The following TMEM132B variants were observed in gnomAD, a reference collection of about 807,000 sequenced individuals.
TMEM132B encodes transmembrane protein 132B.
A neutral mutation model predicts 90.8 loss-of-function variants in TMEM132B; 18 were observed. The ratio of observed to expected loss-of-function variants is 0.20; its 90% CI spans 0.14 to 0.29. The LOEUF is 0.29. Among genes scored for constraint, TMEM132B ranks in the 10% least tolerant of loss-of-function variants. The pLI is 1.00. For synonymous variants in TMEM132B, 504 were observed against 523.3 expected (o/e 0.96, Z 0.50); for missense variants, 1,096 against 1,326.8 (o/e 0.83, Z 2.70).
In TMEM132B at chr12:125,349,813, C is replaced by G. The variant is rs746513357; in HGVS notation, c.429C>G (p.Thr143=). 1.2e-5 allele frequency: 19 copies of G among 1,614,128 alleles called. No homozygotes were observed. Among genetic ancestry groups the G allele is most frequent in the Non-Finnish European group, 1.6e-5 (19 of 1,180,050 alleles). ...SIYSNRPKVQ[T]LFYVTGMGWD... is the part of the protein sequence containing the mutation. ...ACTCCAACAGACCCAAAGTGCAGACCTTGTTTTATGTCACTGGCATGGGCT... is the reference window on the plus strand; with the variant it reads ...ACTCCAACAGACCCAAAGTGCAGACGTTGTTTTATGTCACTGGCATGGGCT... The change falls in exon 2 of 9, where the codon ACC becomes ACG. Residue 143 remains threonine, a synonymous_variant. Transcript: ENST00000682704. This position sits in a 1 kb window ranked among gnomAD's most constrained non-coding sequence, Gnocchi z 4.1.
intron 1 of TMEM132B, among the ~76,000 whole-genome samples, chr12:125,348,633 C>T (rs326382): frequency 0.1 from 15,178 of 152,016 alleles, 954 homozygotes; most frequent in East Asian, 0.22. Flanking sequence ...CCACACCTGG[C>T]GGTGCTTTGT....
intron 2 of TMEM132B, among the ~76,000 whole-genome samples, chr12:125,363,089 C>T (rs1242727130): frequency 1.3e-5 from 2 of 152,130 alleles, no homozygotes; most frequent in African/African-American, 4.8e-5. Flanking sequence ...TCTCTGGGGT[C>T]GAGGCAGCAG....
intron 1 of TMEM132B, chr12:125,326,660 G>C (rs1029884944): frequency 6.2e-7 from 1 of 1,607,880 alleles, no homozygotes; most frequent in African/African-American, 1.3e-5. Context: ...CACCACTGCT[G>C]TCTGCACCGG....
At chr12:125,639,014 CTCT>C (rs1886560531) in intron 5 of TMEM132B, among the ~76,000 whole-genome samples, 1 of 152,208 alleles carries the variant, frequency 6.6e-6, no homozygotes, top group Non-Finnish European at 1.5e-5. Flanking sequence ...CTGCCCTCAG[CTCT>C]TCTTATATTA....
At chr12:125,552,235 A>G (rs575653266) in intron 4 of TMEM132B, among the ~76,000 whole-genome samples, 3 of 152,332 alleles carry the variant, frequency 2.0e-5, no homozygotes, top group Non-Finnish European at 4.4e-5. Flanking sequence ...GAAAACGTTG[A>G]ATAGCTTGTG....
intron 3 of TMEM132B, among the ~76,000 whole-genome samples, chr12:125,517,345 T>TGCA (rs1566060744): frequency 4.3e-5 from 3 of 69,058 alleles, no homozygotes; most frequent in African/African-American, 1.7e-4. Flanking sequence ...TTTTTTTTTT[T>TGCA]TTTTTTTTTT....
chr12:125,505,180 A>AC (rs1351254605), intron 3 of TMEM132B, among the ~76,000 whole-genome samples: 1 of 143,124 alleles, frequency 7.0e-6, no homozygotes, highest in African/African-American at 2.5e-5. Context: ...AAAAAAAAAA[A>AC]AAAAAAAAAA....
rs1873358431 is a variant in TMEM132B at position 125,213,105 on chromosome 12, T to TA, written c.67+26240dup. Among the ~76,000 whole-genome samples the TA allele has an allele frequency of 6.6e-6, 1 of 152,210 alleles. No homozygotes were observed. The highest frequency in any genetic ancestry group is 6.5e-5 in the Admixed American group (1 of 15,284). ...CCTACTGCCTTCAACCCCTGGCAAA[T>TA]ACGCTTCTACTTTCTATTCTATGGA... On this transcript the variant is annotated intron_variant, in intron 1 of 8. Transcript: ENST00000682704. This position sits in a 1 kb window ranked among gnomAD's most constrained non-coding sequence, Gnocchi z 4.2.
intron 1 of TMEM132B, among the ~76,000 whole-genome samples, chr12:125,342,179 C>T (rs902095866): frequency 1.3e-5 from 2 of 152,178 alleles, no homozygotes; most frequent in Non-Finnish European, 2.9e-5. Context: ...ATACACCGCT[C>T]TAGGATCTTC....
At chr12:125,339,055 C>T (rs1877077333) in intron 1 of TMEM132B, among the ~76,000 whole-genome samples, 1 of 147,076 alleles carries the variant, frequency 6.8e-6, no homozygotes, top group African/African-American at 2.5e-5. Flanking sequence ...TCCTCACCTC[C>T]AGCTAACAGT....
chr12:125,392,773 A>G (rs1593119997), intron 2 of TMEM132B, among the ~76,000 whole-genome samples: 1 of 152,362 alleles, frequency 6.6e-6, no homozygotes, highest in East Asian at 1.9e-4. Context: ...GTGATTGTGG[A>G]TATGTGAATG....
At chr12:125,465,085 C>T (rs1401959099) in intron 3 of TMEM132B, among the ~76,000 whole-genome samples, 1 of 152,192 alleles carries the variant, frequency 6.6e-6, no homozygotes, top group Non-Finnish European at 1.5e-5. Flanking sequence ...GGAAAAGCCT[C>T]TAATGTTAAT....
At chr12:125,564,699 T>C (rs949234694) in intron 4 of TMEM132B, among the ~76,000 whole-genome samples, 7 of 152,256 alleles carry the variant, frequency 4.6e-5, no homozygotes, top group Admixed American at 4.6e-4. Context: ...CTTACCACTT[T>C]CCTGTGTAGT....
chr12:125,377,561 C>T (rs1878531420), intron 2 of TMEM132B, among the ~76,000 whole-genome samples: 2 of 152,164 alleles, frequency 1.3e-5, no homozygotes, highest in Non-Finnish European at 1.5e-5. Context: ...GTGAGGAATA[C>T]ACAGGTTAAT....
intron 1 of TMEM132B, among the ~76,000 whole-genome samples, chr12:125,340,296 G>A (rs1166666897): frequency 2.0e-5 from 3 of 152,088 alleles, no homozygotes; most frequent in African/African-American, 4.8e-5. Flanking sequence ...CTCAAACTGC[G>A]AAGTCAAATA....
chr12:125,296,225 C>T (rs1875669438), intron 1 of TMEM132B, among the ~76,000 whole-genome samples: 1 of 152,216 alleles, frequency 6.6e-6, no homozygotes, highest in Non-Finnish European at 1.5e-5. Context: ...GATCCCATCT[C>T]CTTCTGCCTA....
chr12:125,401,143 G>A (rs58044498), intron 2 of TMEM132B, among the ~76,000 whole-genome samples: 3,100 of 152,212 alleles, frequency 0.02, 112 homozygotes, highest in African/African-American at 0.064. Flanking sequence ...TCTCTTACTG[G>A]GCATCTTCAG....
intron 1 of TMEM132B, among the ~76,000 whole-genome samples, chr12:125,229,887 C>A (rs1873777331): frequency 1.3e-5 from 2 of 152,244 alleles, no homozygotes; most frequent in Admixed American, 1.3e-4. Context: ...TTAATCATTC[C>A]TCTCATAATT....
intron 1 of TMEM132B, among the ~76,000 whole-genome samples, chr12:125,210,551 T>G (rs1353320446): frequency 6.6e-6 from 1 of 150,568 alleles, no homozygotes; most frequent in Non-Finnish European, 1.5e-5. Context: ...CAGACTCATG[T>G]GGGTAGTGTG....
Sources: gnomAD v4.1 joint callset for allele counts (sites outside exome capture counted in the v4.1 genomes callset) on GRCh38, gnomAD v4.1.1 for gene constraint, Gnocchi (gnomAD v3.1) non-coding constraint, MANE v1.5 for transcripts, NCBI Gene and HGNC (gene_info 2026-07-23, HGNC 2026-07-21) for gene names.